DLG2: variants seen among roughly 807,000 people sequenced by gnomAD.
DLG2 encodes the protein discs large MAGUK scaffold protein 2, also known as disks large homolog 2.
DLG2 carries 45 observed loss-of-function variants against 132.5 expected under a neutral mutation model. The ratio of observed to expected loss-of-function variants is 0.34; its 90% CI spans 0.27 to 0.44. The LOEUF is 0.44. DLG2 is among the 20% of genes least tolerant of loss of function. The pLI, the probability that DLG2 is intolerant of heterozygous loss-of-function variation, is 1.00. For missense variants in DLG2, 1,045 were observed against 1,196.9 expected (o/e 0.87, Z 1.87); for synonymous variants, 424 against 419.6 (o/e 1.01, Z -0.13).
chr11:83,717,326 C>G (rs115717722), intron 18 of DLG2, among the ~76,000 whole-genome samples: 1,843 of 152,198 alleles, frequency 0.012, 32 homozygotes, highest in African/African-American at 0.041. Context: ...TTCACTTTAA[C>G]AGCAGGGAAC....
chr11:84,340,858 C>T (rs1428996658), intron 7 of DLG2, among the ~76,000 whole-genome samples: 1 of 152,054 alleles, frequency 6.6e-6, no homozygotes, highest in Non-Finnish European at 1.5e-5. Flanking sequence ...AAGTAGAAAG[C>T]ATTATGGCTC....
In DLG2 at chr11:84,135,020, C is replaced by T. The variant is rs186261449; in HGVS notation, c.624+28441G>A. On this transcript the variant is annotated intron_variant, in intron 9 of 27. Transcript: ENST00000376104. ...AAAGTCAAAATAAATCTGCTCTATT[C>T]CATTTCATTTATTACTATCTAATAT... 2.6e-5 allele frequency among the ~76,000 whole-genome samples: 4 copies of T among 152,132 alleles called. No individual in the cohort carries two copies. In the East Asian group the frequency reaches 7.7e-4, roughly 29 times the overall value.
At chr11:84,787,401 C>G (rs961441074) in intron 6 of DLG2, among the ~76,000 whole-genome samples, 8 of 152,284 alleles carry the variant, frequency 5.3e-5, no homozygotes, top group South Asian at 4.1e-4. Context: ...ATGCTGTTCC[C>G]TATGCACAGA....
chr11:84,533,815 C>T lies in DLG2; in HGVS notation c.519+755G>A, dbSNP rs1306110566. Reference sequence around the variant, plus strand: ...TTTTTCCATTTCAATTCTGTTATTTCAGCCATATTCTGATTTTTTCTTTTT... The same window carrying T: ...TTTTTCCATTTCAATTCTGTTATTTTAGCCATATTCTGATTTTTTCTTTTT... On this transcript the variant is annotated intron_variant, in intron 7 of 27. Coordinates refer to ENST00000376104, the MANE Select transcript of DLG2 (RefSeq NM_001142699.3). Among the ~76,000 whole-genome samples the T allele has an allele frequency of 2.0e-5, 3 of 146,668 alleles. No individual in the cohort carries two copies. In the East Asian group the frequency reaches 6.1e-4, roughly 30 times the overall value.
chr11:83,515,801 C>T (rs140122370), intron 21 of DLG2, among the ~76,000 whole-genome samples: 307 of 152,250 alleles, frequency 2.0e-3, no homozygotes, highest in African/African-American at 7.1e-3. Context: ...CATTCAGGAG[C>T]AGGTTGTTCA....
intron 3 of DLG2, among the ~76,000 whole-genome samples, chr11:85,353,842 G>T (rs960048538): frequency 6.6e-6 from 1 of 152,086 alleles, no homozygotes; most frequent in Non-Finnish European, 1.5e-5. Flanking sequence ...CTGTCATGGG[G>T]TGGGAGGAAG....
At chr11:84,304,075 A>G (rs1373615084) in intron 7 of DLG2, among the ~76,000 whole-genome samples, 1 of 152,214 alleles carries the variant, frequency 6.6e-6, no homozygotes, top group South Asian at 2.1e-4. Context: ...TATCCATACT[A>G]TGGTAAAAAG....
rs559515964 is a variant in DLG2 at position 84,975,701 on chromosome 11, A to G, written c.357+135960T>C. ...TACTCCCTATTAAGAAGAGGGGATA[A>G]TTGACTTCCCAGACATTTTCAAACC... On this transcript the variant is annotated intron_variant, in intron 6 of 27. Transcript: ENST00000376104. Among the ~76,000 whole-genome samples the G allele has an allele frequency of 7.9e-5, 12 of 152,272 alleles. 1 individual carries two copies. The South Asian group carries it at 2.3e-3, about 29-fold the overall frequency.
chr11:84,834,490 C>T (rs142618657), intron 6 of DLG2, among the ~76,000 whole-genome samples: 1 of 151,662 alleles, frequency 6.6e-6, no homozygotes, highest in African/African-American at 2.4e-5. Context: ...CTCCAAATTG[C>T]TCCTCCTCAG....
chr11:84,783,605 A>G (rs923887393), intron 6 of DLG2, among the ~76,000 whole-genome samples: 2 of 152,184 alleles, frequency 1.3e-5, no homozygotes, highest in Non-Finnish European at 2.9e-5. Flanking sequence ...ACACTGATAT[A>G]ACACTATAGC....
intron 9 of DLG2, among the ~76,000 whole-genome samples, chr11:84,158,167 C>T (rs2095471585): frequency 2.0e-5 from 3 of 151,784 alleles, no homozygotes; most frequent in Admixed American, 2.0e-4. Context: ...AGGTTCATGC[C>T]ATTCTCCTGC....
chr11:84,641,458 C>T (rs778593725), intron 6 of DLG2, among the ~76,000 whole-genome samples: 1 of 152,132 alleles, frequency 6.6e-6, no homozygotes, highest in Admixed American at 6.5e-5. Context: ...CTCAAAGATT[C>T]CCCTTCCTTC....
chr11:84,909,150 T>A (rs1292216757), intron 6 of DLG2, among the ~76,000 whole-genome samples: 2 of 152,170 alleles, frequency 1.3e-5, no homozygotes, highest in Non-Finnish European at 2.9e-5. Flanking sequence ...CTGAGCTAAA[T>A]CTTTCCTAAA....
intron 8 of DLG2, among the ~76,000 whole-genome samples, chr11:84,201,145 T>G (rs1043528517): frequency 6.6e-6 from 1 of 152,218 alleles, no homozygotes; most frequent in Non-Finnish European, 1.5e-5. Flanking sequence ...ATTGAGAGTT[T>G]TTAACATGTA....
At chr11:84,914,178 A>G (rs1026006363) in intron 6 of DLG2, among the ~76,000 whole-genome samples, 1 of 152,250 alleles carries the variant, frequency 6.6e-6, no homozygotes, top group Non-Finnish European at 1.5e-5. Flanking sequence ...TTCATTTTAA[A>G]GAAAGGTATT....
chr11:84,148,146 T>G (rs2095156634), intron 9 of DLG2, among the ~76,000 whole-genome samples: 1 of 151,786 alleles, frequency 6.6e-6, no homozygotes, highest in Non-Finnish European at 1.5e-5. Context: ...TATTTACTTT[T>G]TGTTTTATAA....
At chr11:84,333,937 C>T (rs2098472297) in intron 7 of DLG2, among the ~76,000 whole-genome samples, 1 of 152,098 alleles carries the variant, frequency 6.6e-6, no homozygotes, top group African/African-American at 2.4e-5. Context: ...AAGTTGAAGA[C>T]GTGAGTGTCA....
At chr11:85,356,845 A>T (rs1419587959) in intron 3 of DLG2, among the ~76,000 whole-genome samples, 3 of 151,880 alleles carry the variant, frequency 2.0e-5, no homozygotes, top group Non-Finnish European at 4.4e-5. Flanking sequence ...AGACAGACAC[A>T]CACTCTTTCA....
rs2089504273 is a variant in DLG2 at position 83,459,578 on chromosome 11, C to T, written c.*240G>A. 3 of 368,102 alleles carry T rather than the reference C, an allele frequency of 8.1e-6. 1 individual carries two copies. The highest frequency in any genetic ancestry group is 1.5e-5 in the Non-Finnish European group (3 of 200,438). 22.8% of individuals were successfully genotyped at this position (368,102 alleles called of 1,614,324 possible). On this transcript the variant is annotated 3_prime_UTR_variant, in exon 28 of 28. Transcript: ENST00000376104. ...AAAGCCCGTCAGAGGTTCATCCCTA[C>T]ACCTGGCACTTTGAGCAAACCAAAG...
Sources: gnomAD v4.1 joint callset for allele counts (sites outside exome capture counted in the v4.1 genomes callset) on GRCh38, gnomAD v4.1.1 for gene constraint, MANE v1.5 for transcripts, NCBI Gene and HGNC (gene_info 2026-07-23, HGNC 2026-07-21) for gene names.